Variants in TPO observed in about 807,000 individuals in gnomAD.
TPO encodes the protein thyroid microsomal antigen.
TPO carries 78 observed loss-of-function variants against 96.9 expected under a neutral mutation model. The observed-to-expected ratio is 0.81, with a 90% CI of 0.67 to 0.97. The LOEUF (loss-of-function observed/expected upper bound fraction) is 0.97. TPO is among the 50% of genes least tolerant of loss of function. The probability of loss-of-function intolerance (pLI) is 0.00; values close to 1 mark genes in which losing one functional copy is unlikely to be tolerated. For missense variants in TPO, 1,252 were observed against 1,274.8 expected, an observed-to-expected ratio of 0.98 and a Z score of 0.27; for synonymous variants, 547 against 538.0, an observed-to-expected ratio of 1.02 and a Z score of -0.23.
chr2:1,419,357 G>T (rs562155606), intron 2 of TPO, among the ~76,000 whole-genome samples: 1 of 152,148 alleles, frequency 6.6e-6, no homozygotes, highest in Non-Finnish European at 1.5e-5. Flanking sequence ...AAGGAAGGGC[G>T]CTGCAGAGCT....
intron 15 of TPO, among the ~76,000 whole-genome samples, chr2:1,534,186 TCC>T (rs201172302): frequency 6.2e-5 from 1 of 16,024 alleles, no homozygotes; most frequent in Non-Finnish European, 1.1e-4. Context: ...ACCTCCCAAA[TCC>T]CCCGTGTGCA....
intron 15 of TPO, among the ~76,000 whole-genome samples, chr2:1,529,925 C>CGACG (rs1157263949): frequency 1.6e-5 from 2 of 127,090 alleles, no homozygotes; most frequent in Non-Finnish European, 3.2e-5. Context: ...CAAACCCCCC[C>CGACG]CTTGCAGCCT....
intron 7 of TPO, among the ~76,000 whole-genome samples, chr2:1,472,874 G>C (rs149520875): frequency 8.0e-6 from 1 of 125,274 alleles, no homozygotes; most frequent in Non-Finnish European, 1.6e-5. Context: ...ATATTTCGTT[G>C]TTACATTAGT....
intron 8 of TPO, chr2:1,478,443 G>T (rs1339071202): frequency 1.0e-6 from 1 of 975,382 alleles, no homozygotes; most frequent in African/African-American, 1.8e-5. Context: ...AGGCACTGGA[G>T]CCTTGTCCGA....
chr2:1,528,745 C>T (rs796901768), intron 15 of TPO, among the ~76,000 whole-genome samples: 1 of 135,582 alleles, frequency 7.4e-6, no homozygotes, highest in Admixed American at 7.2e-5. Flanking sequence ...CCCCAAATCC[C>T]CCACACTGTG....
intron 15 of TPO, among the ~76,000 whole-genome samples, chr2:1,537,539 CA>C (rs1173222418): frequency 1.7e-5 from 1 of 59,478 alleles, no homozygotes; most frequent in Non-Finnish European, 3.1e-5. Flanking sequence ...CTATCCCCCC[CA>C]GTGTGCAACC....
intron 15 of TPO, among the ~76,000 whole-genome samples, chr2:1,525,571 C>A (rs113406465): frequency 0.016 from 1,556 of 97,044 alleles, 35 homozygotes; most frequent in South Asian, 0.049. Context: ...TGTGTGCAAA[C>A]CCCCCAAATC....
At chr2:1,430,061 CAACAG>C (rs536933807) in intron 3 of TPO, among the ~76,000 whole-genome samples, 18 of 152,304 alleles carry the variant, frequency 1.2e-4, no homozygotes, top group African/African-American at 4.3e-4. Context: ...CTATCCAAGA[CAACAG>C]GAAAAGGGCC....
intron 15 of TPO, among the ~76,000 whole-genome samples, chr2:1,526,007 GTGTGCAACCTCCCCAAATCCGCCC>G (rs1676390564): frequency 1.2e-5 from 1 of 83,152 alleles, no homozygotes; most frequent in Non-Finnish European, 2.3e-5. Context: ...ATCCCCCACT[GTGTGCAACCTCCCCAAATCCGCCC>G]ACTGTGTGCA....
At chr2:1,379,828 T>C (rs1336105486) in intron 1 of TPO, among the ~76,000 whole-genome samples, 1 of 152,186 alleles carries the variant, frequency 6.6e-6, no homozygotes, top group Non-Finnish European at 1.5e-5. Flanking sequence ...GAAATAACTT[T>C]AAAAATGAAA....
intron 8 of TPO, 24 bp from the exon 9 acceptor site, chr2:1,484,572 G>A (rs1670945547): frequency 6.2e-7 from 1 of 1,613,826 alleles, no homozygotes; most frequent in Admixed American, 1.7e-5. Context: ...GGGCCTCACT[G>A]AGATGCTTTT....
intron 1 of TPO, among the ~76,000 whole-genome samples, chr2:1,385,650 CA>C (rs561178844): frequency 3.4e-5 from 5 of 146,014 alleles, no homozygotes; most frequent in Admixed American, 6.8e-5. Flanking sequence ...TTGATCTTTT[CA>C]AAAAAAAAAC....
Position 1,509,672 on chromosome 2 carries a change from G to C in TPO, c.2518+5593G>C, listed in dbSNP as rs976913347. Among the ~76,000 whole-genome samples, 4 of 150,492 alleles carry C rather than the reference G, an allele frequency of 2.7e-5. No individual in the cohort carries two copies. The South Asian group carries it at 6.4e-4, about 24-fold the overall frequency. Reference sequence around the variant, plus strand: ...AGGCACACCCCACCCTCTTGTTTAGGGCAAACCACACTCTCTGGTTTCAGG... The same window carrying C: ...AGGCACACCCCACCCTCTTGTTTAGCGCAAACCACACTCTCTGGTTTCAGG... On this transcript the variant is annotated intron_variant, in intron 14 of 16. Coordinates refer to ENST00000329066, the MANE Select transcript of TPO (RefSeq NM_001206744.2).
At chr2:1,528,743 C>G (rs7369446) in intron 15 of TPO, among the ~76,000 whole-genome samples, 1 of 116,210 alleles carries the variant, frequency 8.6e-6, no homozygotes, top group African/African-American at 3.8e-5. Context: ...CTCCCCAAAT[C>G]CCCCACACTG....
At chr2:1,436,163 C>T in intron 4 of TPO, 89 bp from the exon 5 acceptor site, 1 of 1,602,204 alleles carries the variant, frequency 6.2e-7, no homozygotes. Flanking sequence ...AATTCAGATG[C>T]TGGAGTCACT....
In TPO at chr2:1,530,492, A is replaced by G. The variant is rs1573596433; in HGVS notation, c.2619-10102A>G. On this transcript the variant is annotated intron_variant, in intron 15 of 16. Transcript: ENST00000329066. ...TGTGCAACATCCTCAAATCCCCCTCACTCTGTGCAACCTCCCCAAATCTCC... is the reference window on the plus strand; with the variant it reads ...TGTGCAACATCCTCAAATCCCCCTCGCTCTGTGCAACCTCCCCAAATCTCC... Among the ~76,000 whole-genome samples the G allele has an allele frequency of 3.4e-5, 3 of 87,036 alleles. No individual in the cohort carries two copies. The South Asian group carries it at 1.3e-3, about 37-fold the overall frequency. 57.1% of individuals were successfully genotyped at this position (87,036 alleles called of 152,430 possible). A position where few individuals can be genotyped will look rare whatever the true frequency, so the allele number is the denominator to read the frequency against.
chr2:1,375,546 C>T (rs916693078), intron 1 of TPO, among the ~76,000 whole-genome samples: 10 of 151,868 alleles, frequency 6.6e-5, no homozygotes, highest in Non-Finnish European at 1.5e-4. Flanking sequence ...GCCGCAATCT[C>T]GTGGGCCTCT....
chr2:1,397,569 T>C lies in TPO; in HGVS notation n.180+23167T>C, dbSNP rs78888755. Among the ~76,000 whole-genome samples the C allele has an allele frequency of 2.2e-3, 336 of 152,324 alleles. 2 individuals carry two copies. The highest frequency in any genetic ancestry group is 4.1e-3 in the South Asian group (20 of 4,824). ...GAAAGACATAGCCAGCTCTCGGCCC[T>C]CTGCTGTTCCTGAGTCTGAGGAAAA... is the stretch of plus-strand genomic sequence containing the variant. On this transcript the variant is annotated intron_variant and non_coding_transcript_variant, in intron 1 of 5. Transcript: ENST00000497517.
chr2:1,453,542 G>A, intron 5 of TPO, 152 bp from the exon 6 acceptor site: 1 of 1,196,284 alleles, frequency 8.4e-7, no homozygotes, highest in Non-Finnish European at 1.2e-6. Context: ...GGGCCTCCAG[G>A]AGGCCTTTCG....
Sources: gnomAD v4.1 joint callset for allele counts (sites outside exome capture counted in the v4.1 genomes callset) on GRCh38, gnomAD v4.1.1 for gene constraint, MANE v1.5 for transcripts, NCBI Gene and HGNC (gene_info 2026-07-23, HGNC 2026-07-21) for gene names.